Variants in CELF2 observed in about 807,000 individuals in gnomAD.
The protein encoded by CELF2 is CUGBP Elav-like family member 2.
CELF2 carries 8 observed loss-of-function variants against 62.6 expected under a neutral mutation model. The ratio of observed to expected loss-of-function variants is 0.13; its 90% confidence interval spans 0.07 to 0.23. The LOEUF (loss-of-function observed/expected upper bound fraction) is 0.23. Ranked by LOEUF, CELF2 falls within the 10% of genes least tolerant of loss-of-function variation. CELF2 has a pLI of 1.00. For synonymous variants in CELF2, 258 were observed against 250.0 expected (o/e 1.03, Z -0.30); for missense variants, 333 against 671.0 (o/e 0.50, Z 5.56).
At chr10:10,689,726 C>G in the CELF2 span, among the ~76,000 whole-genome samples, 1 of 152,106 alleles carries the variant, frequency 6.6e-6, no homozygotes, top group Non-Finnish European at 1.5e-5. Context: ...AGAGTGTACA[C>G]CAACCTCCTC....
intron 1 of CELF2, among the ~76,000 whole-genome samples, chr10:11,139,566 A>G (rs1024322847): frequency 7.2e-5 from 11 of 152,232 alleles, no homozygotes; most frequent in Admixed American, 5.9e-4. Context: ...TGAAACTTCC[A>G]TATAGATTAT....
chr10:10,648,876 C>A, the CELF2 span, among the ~76,000 whole-genome samples: 1 of 152,144 alleles, frequency 6.6e-6, no homozygotes, highest in Non-Finnish European at 1.5e-5. Context: ...CCATTGGGTT[C>A]AATAAGTGAA....
rs189859731 is a variant in CELF2, at chr10:11,106,275, C to T, written c.75-59211C>T. Among the ~76,000 whole-genome samples, 1,066 of 151,142 alleles carry T rather than the reference C, an allele frequency of 7.1e-3. 4 individuals carry two copies. The highest frequency in any genetic ancestry group is 0.011 in the Non-Finnish European group (753 of 67,886). ...TTTGAGATGGAGTCTTGCTCTGTCA[C>T]GTAGGCTGAACAGTGCAGTGGCATG... is the stretch of plus-strand genomic sequence containing the variant. On this transcript the variant is annotated intron_variant, in intron 1 of 12. Coordinates refer to ENST00000633077, the MANE Select transcript of CELF2 (RefSeq NM_001326342.2).
At chr10:10,921,098 G>A (rs955816001) in intron 2 of CELF2, among the ~76,000 whole-genome samples, 3 of 151,902 alleles carry the variant, frequency 2.0e-5, no homozygotes, top group African/African-American at 7.3e-5. Flanking sequence ...GGGATTACAG[G>A]AGACTGCCAC....
At chr10:11,068,777 G>A (rs2068858335) in intron 1 of CELF2, among the ~76,000 whole-genome samples, 1 of 152,042 alleles carries the variant, frequency 6.6e-6, no homozygotes, top group Non-Finnish European at 1.5e-5. Context: ...AGCCAAGATG[G>A]TCTCGATCTC....
intron 2 of CELF2, among the ~76,000 whole-genome samples, chr10:11,204,309 ATC>A (rs953046849): frequency 1.3e-5 from 2 of 152,218 alleles, no homozygotes; most frequent in Non-Finnish European, 2.9e-5. Context: ...ATTAAACCGC[ATC>A]TCTCTTAGGC....
intron 8 of CELF2, 102 bp downstream of exon 8, chr10:11,275,222 G>A (rs2085572795): frequency 8.7e-7 from 1 of 1,155,142 alleles, no homozygotes; most frequent in Non-Finnish European, 1.3e-6. Flanking sequence ...AACCAAGAAT[G>A]ATGATCAGAC....
the CELF2 span, among the ~76,000 whole-genome samples, chr10:10,590,060 G>C: frequency 6.6e-6 from 1 of 152,158 alleles, no homozygotes; most frequent in Non-Finnish European, 1.5e-5. Context: ...CCTTGTAGAG[G>C]TGAGGCCACT....
At position 10,997,156 on chromosome 10, in the gene CELF2, C is replaced by A. The variant is rs1045068555; in HGVS notation, c.89+77157C>A. Among the ~76,000 whole-genome samples the A allele has an allele frequency of 3.3e-5, 5 of 152,108 alleles. No individual in the cohort carries two copies. The highest frequency in any genetic ancestry group is 5.9e-5 in the Non-Finnish European group (4 of 68,024). On this transcript the variant is annotated intron_variant, in intron 2 of 13. Coordinates refer to the CELF2 transcript ENST00000636488. This position sits in a 1 kb window ranked among gnomAD's most constrained non-coding sequence, Gnocchi z 5.3. Reference sequence around the variant, plus strand: ...ACGTACTGCATGTGTCAGCTTGGGCCGTTTTTAATCTGCCAGGCCCTTGTG... The same window carrying A: ...ACGTACTGCATGTGTCAGCTTGGGCAGTTTTTAATCTGCCAGGCCCTTGTG...
the CELF2 span, among the ~76,000 whole-genome samples, chr10:10,742,203 G>GA: frequency 1.4e-4 from 21 of 149,286 alleles, no homozygotes; most frequent in South Asian, 4.9e-3. Flanking sequence ...CTGTTAATGA[G>GA]AAAAAAATTT....
At chr10:10,744,092 A>C in the CELF2 span, among the ~76,000 whole-genome samples, 1 of 152,200 alleles carries the variant, frequency 6.6e-6, no homozygotes, top group Non-Finnish European at 1.5e-5. Flanking sequence ...CAAAGATCTA[A>C]AACAGTGAAA....
intron 1 of CELF2, among the ~76,000 whole-genome samples, chr10:10,900,709 G>C (rs1349172516): frequency 6.6e-6 from 1 of 152,104 alleles, no homozygotes. Flanking sequence ...GCAGGTTGTA[G>C]CCAGCGCGGT....
intron 5 of CELF2, among the ~76,000 whole-genome samples, chr10:11,258,812 G>A (rs1208060535): frequency 2.6e-5 from 4 of 152,076 alleles, no homozygotes; most frequent in South Asian, 2.1e-4. Context: ...TCAGCCTCCC[G>A]AGGAGCTGGG....
the CELF2 span, among the ~76,000 whole-genome samples, chr10:10,546,345 G>C: frequency 6.6e-6 from 1 of 152,102 alleles, no homozygotes; most frequent in African/African-American, 2.4e-5. Context: ...GGATGCTTTT[G>C]TTCAGAGTTC....
At chr10:10,763,869 T>G in the CELF2 span, among the ~76,000 whole-genome samples, 1 of 152,220 alleles carries the variant, frequency 6.6e-6, no homozygotes, top group South Asian at 2.1e-4. Context: ...AGAATTGTGC[T>G]ATTGTATTAA....
chr10:10,905,572 C>T (rs2134203242), intron 1 of CELF2, among the ~76,000 whole-genome samples: 1 of 138,502 alleles, frequency 7.2e-6, no homozygotes, highest in South Asian at 2.5e-4. Flanking sequence ...GGCAAACCCC[C>T]ATCTCTACTT....
chr10:10,475,847 G>A, the CELF2 span, among the ~76,000 whole-genome samples: 1 of 151,872 alleles, frequency 6.6e-6, no homozygotes, highest in East Asian at 1.9e-4. Context: ...TCTTTGAGTG[G>A]GCAGACATTT....
intron 2 of CELF2, among the ~76,000 whole-genome samples, chr10:11,169,838 G>A (rs568729288): frequency 3.1e-4 from 47 of 152,308 alleles, no homozygotes; most frequent in Non-Finnish European, 6.3e-4. Flanking sequence ...TGAAGACCAG[G>A]AGGCTTTGGC....
At chr10:11,259,429 TA>T (rs11404486) in intron 5 of CELF2, among the ~76,000 whole-genome samples, 8,180 of 137,438 alleles carry the variant, frequency 0.06, 635 homozygotes, top group African/African-American at 0.19. Context: ...GAAGGTGGTT[TA>T]AAAAAAAAAA....
Sources: allele counts gnomAD v4.1 joint callset (sites outside exome capture counted in the v4.1 genomes callset), GRCh38; gene constraint gnomAD v4.1.1; non-coding constraint Gnocchi (gnomAD v3.1); transcripts MANE v1.5; gene names NCBI Gene and HGNC (gene_info 2026-07-23, HGNC 2026-07-21).